Variants in RELCH observed in about 807,000 individuals in gnomAD.
RELCH encodes the protein RAB11-binding protein RELCH.
Under a neutral mutation model 150.3 loss-of-function variants are expected in RELCH, and 41 were observed. That is an observed-to-expected ratio of 0.27 (90% CI 0.21 to 0.35). RELCH has a LOEUF of 0.35. RELCH is among the 10% of genes least tolerant of loss of function. RELCH has a pLI of 1.00. For missense variants in RELCH, 1,092 were observed against 1,467.8 expected (o/e 0.74, Z 4.18); for synonymous variants, 478 against 531.8 (o/e 0.90, Z 1.39).
intron 2 of RELCH, among the ~76,000 whole-genome samples, chr18:62,218,693 A>G (rs192510934): frequency 6.6e-6 from 1 of 152,124 alleles, no homozygotes; most frequent in East Asian, 1.9e-4. Context: ...ATACATCTAC[A>G]TCTTTGCAGT....
chr18:62,237,485 A>C (rs2041934268), intron 10 of RELCH, among the ~76,000 whole-genome samples: 2 of 151,820 alleles, frequency 1.3e-5, no homozygotes, highest in Non-Finnish European at 3.0e-5. Flanking sequence ...ATTTAAACAA[A>C]TGATACTGTA....
chr18:62,214,355 G>C (rs534805687), intron 2 of RELCH, among the ~76,000 whole-genome samples: 1 of 152,142 alleles, frequency 6.6e-6, no homozygotes, highest in Non-Finnish European at 1.5e-5. Flanking sequence ...GCTTTTACTT[G>C]AAAAGCCTAT....
intron 5 of RELCH, among the ~76,000 whole-genome samples, chr18:62,226,945 T>C (rs1294149207): frequency 6.6e-6 from 1 of 152,068 alleles, no homozygotes; most frequent in Admixed American, 6.6e-5. Context: ...CTCAACACTT[T>C]GGGAGGCCAA....
intron 5 of RELCH, among the ~76,000 whole-genome samples, chr18:62,222,002 CTT>C (rs1271396079): frequency 2.0e-5 from 3 of 151,852 alleles, no homozygotes. Context: ...GATAAAATCT[CTT>C]TAAGCAAAAA....
At chr18:62,213,457 G>T (rs1020439764) in intron 2 of RELCH, among the ~76,000 whole-genome samples, 1 of 152,102 alleles carries the variant, frequency 6.6e-6, no homozygotes, top group Non-Finnish European at 1.5e-5. Context: ...TAGGCCGGGC[G>T]CTGTGGCTCA....
chr18:62,302,300 G>C (rs1399225165), intron 28 of RELCH, among the ~76,000 whole-genome samples: 1 of 152,194 alleles, frequency 6.6e-6, no homozygotes, highest in Non-Finnish European at 1.5e-5. Context: ...AGTTCATTGA[G>C]ATTTAAGAAC....
intron 26 of RELCH, 96 bp from the exon 27 acceptor site, chr18:62,291,447 T>A: frequency 1.6e-6 from 1 of 634,140 alleles, no homozygotes; most frequent in Admixed American, 3.1e-5. Context: ...ATAGGTATGA[T>A]ATAAGAAGGC....
rs201705195 is a variant in RELCH, at chr18:62,310,145, A to G, written c.*4611A>G. 15 of 152,252 alleles carry G rather than the reference A, an allele frequency of 9.9e-5. No individual in the cohort carries two copies. In the East Asian group the frequency reaches 2.7e-3, roughly 27 times the overall value. The allele number at this position is 152,252 out of a possible 1,614,324, so 9.4% of individuals were successfully genotyped here. On this transcript the variant is annotated 3_prime_UTR_variant, in exon 29 of 29. Coordinates refer to ENST00000644646, the MANE Select transcript of RELCH (RefSeq NM_001346231.2). ...CATAGATGCTTTATCTTCATTTCTG[A>G]TCATTACTTGACAGTTCTTTAAATT... is the stretch of plus-strand genomic sequence containing the variant.
intron 11 of RELCH, 151 bp downstream of exon 11, chr18:62,245,027 C>T (rs1390549910): frequency 3.4e-6 from 2 of 590,434 alleles, no homozygotes; most frequent in African/African-American, 1.9e-5. Context: ...ATCATGGATT[C>T]ACTCCTTCAT....
At chr18:62,253,309 G>A (rs952770635) in intron 12 of RELCH, among the ~76,000 whole-genome samples, 2 of 141,034 alleles carry the variant, frequency 1.4e-5, no homozygotes, top group African/African-American at 2.9e-5. Context: ...GTGTGTGTGT[G>A]TGTAAATAGA....
intron 20 of RELCH, among the ~76,000 whole-genome samples, chr18:62,270,877 G>T (rs1266287952): frequency 6.6e-6 from 1 of 151,428 alleles, no homozygotes; most frequent in Non-Finnish European, 1.5e-5. Flanking sequence ...TCCCACCTAT[G>T]AGTGAGAACA....
intron 9 of RELCH, among the ~76,000 whole-genome samples, chr18:62,232,033 A>G (rs1257295595): frequency 6.6e-6 from 1 of 151,988 alleles, no homozygotes; most frequent in Non-Finnish European, 1.5e-5. Context: ...CTCCTGTGCT[A>G]TTACCCCTAC....
intron 2 of RELCH, among the ~76,000 whole-genome samples, chr18:62,216,424 C>CT (rs761627177): frequency 3.3e-5 from 5 of 152,080 alleles, no homozygotes; most frequent in Non-Finnish European, 5.9e-5. Context: ...TCTCATATCT[C>CT]TATTACTGAA....
At chr18:62,198,103 C>T (rs2039170290) in intron 1 of RELCH, among the ~76,000 whole-genome samples, 1 of 152,172 alleles carries the variant, frequency 6.6e-6, no homozygotes, top group African/African-American at 2.4e-5. Flanking sequence ...AATAATCTGC[C>T]TAAAGCATCA....
chr18:62,199,990 C>G (rs576595391), intron 1 of RELCH, among the ~76,000 whole-genome samples: 8 of 152,234 alleles, frequency 5.3e-5, no homozygotes, highest in African/African-American at 1.7e-4. Flanking sequence ...TCATCACTAA[C>G]AATAATCATT....
chr18:62,290,833 G>A (rs1359735823), intron 26 of RELCH, among the ~76,000 whole-genome samples: 2 of 152,184 alleles, frequency 1.3e-5, no homozygotes, highest in Admixed American at 1.3e-4. Flanking sequence ...TAACAGGATG[G>A]TTAAAGCAAG....
chr18:62,279,522 AGTACAAACTGCTG>A (rs991369427), intron 22 of RELCH, among the ~76,000 whole-genome samples: 48 of 152,246 alleles, frequency 3.2e-4, no homozygotes, highest in African/African-American at 1.1e-3. Flanking sequence ...TTTGACCAAA[AGTACAAACTGCTG>A]TTAAACTGGT....
chr18:62,264,146 G>A lies in RELCH; in HGVS notation c.2507+1G>A. 1 of 1,594,194 alleles carries A rather than the reference G, an allele frequency of 6.3e-7. No homozygotes were observed. The highest frequency in any genetic ancestry group is 8.5e-7 in the Non-Finnish European group (1 of 1,171,324). ...GTTTACTGTGGGTTGTCAATCAATT[G>A]TAAGTTACCACCTCCATATTAATTT... is the stretch of plus-strand genomic sequence containing the variant. On this transcript the variant is annotated splice_donor_variant, in intron 17 of 28. Coordinates refer to ENST00000644646, the MANE Select transcript of RELCH (RefSeq NM_001346231.2). LOFTEE classifies it high-confidence loss of function.
At position 62,276,419 on chromosome 18, in the gene RELCH, A is replaced by G. The variant is rs112607740; in HGVS notation, c.2967+946A>G. On this transcript the variant is annotated intron_variant, in intron 22 of 28. Transcript: ENST00000644646. Reference sequence around the variant, plus strand: ...CCCTTAAAACAGTCTCTGGAACATAATAAGTGCTTATATGTTTACTGTCAT... The same window carrying G: ...CCCTTAAAACAGTCTCTGGAACATAGTAAGTGCTTATATGTTTACTGTCAT... Among the ~76,000 whole-genome samples the G allele has an allele frequency of 3.1e-3, 479 of 152,252 alleles. 4 individuals carry two copies. The highest frequency in any genetic ancestry group is 0.011 in the African/African-American group (450 of 41,564).
Sources: allele counts gnomAD v4.1 joint callset (sites outside exome capture counted in the v4.1 genomes callset), GRCh38; gene constraint gnomAD v4.1.1; transcripts MANE v1.5; gene names NCBI Gene and HGNC (gene_info 2026-07-23, HGNC 2026-07-21).